Variants in PLXNC1 observed in about 807,000 individuals in gnomAD.
PLXNC1 encodes the protein plexin-C1.
PLXNC1 carries 75 observed loss-of-function variants against 178.2 expected under a neutral mutation model. The ratio of observed to expected loss-of-function variants is 0.42; its 90% CI spans 0.35 to 0.51. The LOEUF is 0.51. PLXNC1 is among the 20% of genes least tolerant of loss of function. The probability of loss-of-function intolerance (pLI) is 0.02; values close to 1 mark genes in which losing one functional copy is unlikely to be tolerated. For synonymous variants in PLXNC1, 790 were observed against 779.9 expected, an observed-to-expected ratio of 1.01 and a Z score of -0.22; for missense variants, 1,503 against 1,984.4, an observed-to-expected ratio of 0.76 and a Z score of 4.61.
At chr12:94,177,220 TATATATATAC>T (rs1285546689) in intron 2 of PLXNC1, among the ~76,000 whole-genome samples, 607 of 50,206 alleles carry the variant, frequency 0.012, 18 homozygotes, top group African/African-American at 0.063. Context: ...TATGTGTGTG[TATATATATAC>T]ATATATATAT....
chr12:94,282,220 T>C (rs118140519), intron 22 of PLXNC1, 78 bp from the exon 23 acceptor site: 3 of 916,988 alleles, frequency 3.3e-6, no homozygotes, highest in Admixed American at 3.8e-5. Flanking sequence ...ATTCAAGTTT[T>C]AGTTATCCAT....
intron 3 of PLXNC1, among the ~76,000 whole-genome samples, chr12:94,184,091 A>G (rs1413704632): frequency 6.6e-6 from 1 of 151,024 alleles, no homozygotes; most frequent in African/African-American, 2.4e-5. Flanking sequence ...GGGCAGGTCT[A>G]ATGTAGTATT....
At chr12:94,208,875 G>T (rs1321187391) in intron 4 of PLXNC1, among the ~76,000 whole-genome samples, 1 of 152,216 alleles carries the variant, frequency 6.6e-6, no homozygotes, top group African/African-American at 2.4e-5. Context: ...CAGCTTCTGA[G>T]CATCTCTTTA....
At chr12:94,301,815 T>C (rs906492369) in intron 28 of PLXNC1, among the ~76,000 whole-genome samples, 19 of 152,214 alleles carry the variant, frequency 1.2e-4, no homozygotes, top group African/African-American at 4.6e-4. Flanking sequence ...TTTTTACTTT[T>C]GTCTTCCCTA....
At chr12:94,159,071 T>C (rs1961280010) in intron 1 of PLXNC1, among the ~76,000 whole-genome samples, 1 of 152,354 alleles carries the variant, frequency 6.6e-6, no homozygotes, top group East Asian at 1.9e-4. Flanking sequence ...TTAGAAGGAC[T>C]ATCATTTGTT....
At chr12:94,181,728 C>T (rs528317504) in intron 3 of PLXNC1, 148 bp downstream of exon 3, 64 of 602,004 alleles carry the variant, frequency 1.1e-4, no homozygotes, top group Non-Finnish European at 1.5e-4. Flanking sequence ...TTCACAGGCA[C>T]GGAATTAAAA....
At chr12:94,170,713 G>C (rs1309307572) in intron 2 of PLXNC1, among the ~76,000 whole-genome samples, 1 of 152,202 alleles carries the variant, frequency 6.6e-6, no homozygotes, top group Non-Finnish European at 1.5e-5. Flanking sequence ...ATACAGTGCT[G>C]AGTGCCTGGT....
intron 9 of PLXNC1, 62 bp from the exon 10 acceptor site, chr12:94,237,602 T>G: frequency 6.7e-7 from 1 of 1,501,448 alleles, no homozygotes; most frequent in Non-Finnish European, 9.2e-7. Flanking sequence ...ATAAACAGAT[T>G]TTTTTGGAGC....
intron 1 of PLXNC1, among the ~76,000 whole-genome samples, chr12:94,166,644 CT>C (rs1231169762): frequency 5.3e-5 from 8 of 151,892 alleles, no homozygotes; most frequent in African/African-American, 1.9e-4. Context: ...AAGCTAACCC[CT>C]AACAGCATTA....
At chr12:94,289,398 T>C (rs546709621) in intron 23 of PLXNC1, among the ~76,000 whole-genome samples, 1 of 152,344 alleles carries the variant, frequency 6.6e-6, no homozygotes, top group East Asian at 1.9e-4. Flanking sequence ...CCTGTGAGAC[T>C]GGAAGGAATT....
intron 2 of PLXNC1, among the ~76,000 whole-genome samples, chr12:94,178,804 C>A (rs3847806): frequency 0.51 from 77,583 of 151,780 alleles, 20,760 homozygotes; most frequent in South Asian, 0.68. Context: ...TGGCTAGCGG[C>A]TGTCATATTT....
chr12:94,256,823 C>G (rs1311798898), intron 17 of PLXNC1, among the ~76,000 whole-genome samples: 1 of 137,048 alleles, frequency 7.3e-6, no homozygotes, highest in Admixed American at 7.9e-5. Context: ...TAAAGGAACA[C>G]TGTTGCAAGT....
Position 94,275,779 on chromosome 12 carries a change from C to T in PLXNC1, c.3598-3693C>T, listed in dbSNP as rs905942502. 1.6e-5 allele frequency among the ~76,000 whole-genome samples: 2 copies of T among 121,492 alleles called. 1 individual carries two copies. The highest frequency in any genetic ancestry group is 6.7e-5 in the African/African-American group (2 of 29,884). 79.7% of individuals were successfully genotyped at this position (121,492 alleles called of 152,430 possible). On this transcript the variant is annotated intron_variant, in intron 21 of 30. Transcript: ENST00000258526. ...CTGAGGCAGGAGAATGGCGTGAACC[C>T]GGGAGGCGGAGCTTGCAGTGAGCCG...
chr12:94,265,121 A>T lies in PLXNC1; in HGVS notation c.3493A>T (p.Asn1165Tyr). The change falls in exon 21 of 31, where the codon AAC becomes TAC. Residue 1165 changes from asparagine to tyrosine, a missense_variant. Physicochemically the swap from Asn to Tyr is moderately radical, Grantham distance 143. Around this residue, in one of 4 missense-constraint regions of PLXNC1, gnomAD observed 639 missense variants for 979.7 expected, o/e 0.65. Transcript: ENST00000258526. ...CTTCTATTTGCTGGTGACGACTCTG[A>T]ACCAGAAAATTAACAAGGGTCCCGT... ...EPFYLLVTTL[N>Y]QKINKGPVDV... 1.2e-6 allele frequency: 2 copies of T among 1,614,128 alleles called. No homozygotes were observed. Among genetic ancestry groups the T allele is most frequent in the Non-Finnish European group, 1.7e-6 (2 of 1,179,976 alleles).
intron 1 of PLXNC1, 67 bp from the exon 2 acceptor site, chr12:94,169,086 A>G (rs542134886): frequency 4.3e-6 from 6 of 1,380,644 alleles, no homozygotes; most frequent in Middle Eastern, 1.8e-4. Context: ...ACATTTCATC[A>G]GTATAATGAG....
At chr12:94,191,510 A>T (rs945822956) in intron 4 of PLXNC1, among the ~76,000 whole-genome samples, 2 of 152,188 alleles carry the variant, frequency 1.3e-5, no homozygotes, top group African/African-American at 4.8e-5. Context: ...CAGACTGGGC[A>T]TGGTGGCTCA....
In PLXNC1 at chr12:94,260,235, T is replaced by A. The variant is rs1367054313; in HGVS notation, c.3252-407T>A. ...CACCCAGCTAATGTTTTGTTGTTGTTGTAGTAGAGATGGGGTCTTGCTATA... is the reference window on the plus strand; with the variant it reads ...CACCCAGCTAATGTTTTGTTGTTGTAGTAGTAGAGATGGGGTCTTGCTATA... On this transcript the variant is annotated intron_variant, in intron 19 of 30. Coordinates refer to ENST00000258526, the MANE Select transcript of PLXNC1 (RefSeq NM_005761.3). The surrounding 1 kb of genome is among the most constrained non-coding windows in gnomAD (Gnocchi z 4.4). 6.6e-6 allele frequency among the ~76,000 whole-genome samples: 1 copy of A among 152,002 alleles called. No individual in the cohort carries two copies. The highest frequency in any genetic ancestry group is 1.5e-5 in the Non-Finnish European group (1 of 68,018).
At chr12:94,272,608 C>G (rs1253529093) in intron 21 of PLXNC1, among the ~76,000 whole-genome samples, 1 of 152,160 alleles carries the variant, frequency 6.6e-6, no homozygotes, top group Admixed American at 6.5e-5. Flanking sequence ...CCCTTTTGTT[C>G]GGATCGAAGA....
At chr12:94,172,108 T>C (rs905649949) in intron 2 of PLXNC1, among the ~76,000 whole-genome samples, 1 of 152,214 alleles carries the variant, frequency 6.6e-6, no homozygotes, top group Non-Finnish European at 1.5e-5. Context: ...TCACCAGAAC[T>C]GTTAGAAAGG....
Sources: allele counts gnomAD v4.1 joint callset (sites outside exome capture counted in the v4.1 genomes callset), GRCh38; gene constraint gnomAD v4.1.1; regional missense constraint gnomAD v4.1.1; non-coding constraint Gnocchi (gnomAD v3.1); transcripts MANE v1.5; gene names NCBI Gene and HGNC (gene_info 2026-07-23, HGNC 2026-07-21).